NTM: variants seen among roughly 807,000 people sequenced by gnomAD.
NTM encodes neurotrimin.
NTM carries 13 observed loss-of-function variants against 42.1 expected under a neutral mutation model. The observed-to-expected ratio is 0.31, with a 90% CI of 0.20 to 0.49. The LOEUF is 0.49. Among genes scored for constraint, NTM ranks in the 20% least tolerant of loss-of-function variants. The pLI is 0.99. For synonymous variants in NTM, 187 were observed against 179.2 expected (o/e 1.04, Z -0.35); for missense variants, 373 against 452.8 (o/e 0.82, Z 1.60).
chr11:131,954,023 A>C (rs1051242032), intron 2 of NTM, among the ~76,000 whole-genome samples: 1 of 152,150 alleles, frequency 6.6e-6, no homozygotes, highest in Non-Finnish European at 1.5e-5. Context: ...TGTATTTAAT[A>C]GCTTCCAATT....
chr11:131,702,829 T>C (rs915138140), intron 1 of NTM, among the ~76,000 whole-genome samples: 10 of 152,226 alleles, frequency 6.6e-5, no homozygotes, highest in Non-Finnish European at 1.5e-4. Flanking sequence ...CCCGACTATT[T>C]TGAAACATTT....
At chr11:132,054,429 C>T (rs955243401) in intron 2 of NTM, among the ~76,000 whole-genome samples, 1 of 152,178 alleles carries the variant, frequency 6.6e-6, no homozygotes, top group African/African-American at 2.4e-5. Context: ...ACTGGATGGG[C>T]ACAGTGGATT....
At chr11:131,632,399 C>A (rs889004878) in intron 1 of NTM, among the ~76,000 whole-genome samples, 3 of 152,110 alleles carry the variant, frequency 2.0e-5, no homozygotes, top group Non-Finnish European at 4.4e-5. Flanking sequence ...AGTCTTACTT[C>A]TTCATCTCAG....
chr11:131,528,104 A>G lies in NTM; in HGVS notation c.82+157216A>G, dbSNP rs537385264. Among the ~76,000 whole-genome samples the G allele has an allele frequency of 1.4e-3, 219 of 152,336 alleles. 1 individual carries two copies. The highest frequency in any genetic ancestry group is 5.0e-3 in the African/African-American group (209 of 41,578). Reference sequence around the variant, plus strand: ...TAAAACCTGGAAGACTTCTGGTCCCAAGGATTGCAGATAAGGTGTAACTTT... The same window carrying G: ...TAAAACCTGGAAGACTTCTGGTCCCGAGGATTGCAGATAAGGTGTAACTTT... On this transcript the variant is annotated intron_variant, in intron 1 of 8. Coordinates refer to ENST00000683400, the MANE Select transcript of NTM (RefSeq NM_001352005.2).
chr11:131,795,586 G>A (rs1040921698), intron 1 of NTM: 2 of 985,300 alleles, frequency 2.0e-6, no homozygotes, highest in African/African-American at 3.5e-5. Flanking sequence ...GTCCCCGCGA[G>A]AACCCTGGTC....
chr11:132,207,906 C>T (rs1293707582), intron 3 of NTM, among the ~76,000 whole-genome samples: 1 of 152,168 alleles, frequency 6.6e-6, no homozygotes, highest in African/African-American at 2.4e-5. Flanking sequence ...TGTCACCATA[C>T]ATTAGAATAT....
chr11:131,719,213 A>G (rs1467196494), intron 1 of NTM, among the ~76,000 whole-genome samples: 1 of 152,128 alleles, frequency 6.6e-6, no homozygotes, highest in Non-Finnish European at 1.5e-5. Flanking sequence ...CAGTGCTTCC[A>G]GTGTTTTGTC....
Position 132,075,975 on chromosome 11 carries a change from A to C in NTM, c.168-70307A>C, listed in dbSNP as rs374705199. On this transcript the variant is annotated intron_variant, in intron 2 of 8. Coordinates refer to ENST00000683400, the MANE Select transcript of NTM (RefSeq NM_001352005.2). Reference sequence around the variant, plus strand: ...ATGTCGACAGCATTGGTGGGTATGTAATCAATAGCATACTTTCATCATTTA... The same window carrying C: ...ATGTCGACAGCATTGGTGGGTATGTCATCAATAGCATACTTTCATCATTTA... Among the ~76,000 whole-genome samples the C allele has an allele frequency of 1.0e-3, 153 of 152,322 alleles. 6 individuals carry two copies. The South Asian group carries it at 0.03, about 30-fold the overall frequency.
chr11:131,845,251 T>A (rs934509689), intron 1 of NTM, among the ~76,000 whole-genome samples: 7 of 152,302 alleles, frequency 4.6e-5, no homozygotes, highest in African/African-American at 1.7e-4. Flanking sequence ...ATTTAAGGAA[T>A]TCAGTGAATA....
rs558605189 is a variant in NTM, at chr11:131,748,295, G to C, written c.83-163269G>C. 4.5e-4 allele frequency among the ~76,000 whole-genome samples: 69 copies of C among 152,330 alleles called. 1 individual carries two copies. The South Asian group carries it at 0.013, about 30-fold the overall frequency. On this transcript the variant is annotated intron_variant, in intron 1 of 8. Transcript: ENST00000683400. ...ACACACACTTGCCACGCAGTCACCA[G>C]GACTGTGGACATTGTCTGAAAATAG...
chr11:131,493,756 A>G (rs1057145235), intron 1 of NTM, among the ~76,000 whole-genome samples: 2 of 152,214 alleles, frequency 1.3e-5, no homozygotes, highest in Non-Finnish European at 2.9e-5. Flanking sequence ...TGTAAGCCCC[A>G]GAAACTTTTT....
intron 1 of NTM, among the ~76,000 whole-genome samples, chr11:131,887,883 T>A (rs1167192395): frequency 6.6e-6 from 1 of 152,176 alleles, no homozygotes; most frequent in Admixed American, 6.5e-5. Context: ...ACTATTATTG[T>A]CATCTTCAGT....
intron 1 of NTM, among the ~76,000 whole-genome samples, chr11:131,775,577 A>G (rs2086832926): frequency 1.3e-5 from 2 of 152,188 alleles, no homozygotes; most frequent in Non-Finnish European, 1.5e-5. Context: ...GACACCATTT[A>G]TAGGTAGTCA....
chr11:132,270,723 A>C (rs569588548), intron 4 of NTM, among the ~76,000 whole-genome samples: 1 of 151,432 alleles, frequency 6.6e-6, no homozygotes, highest in Non-Finnish European at 1.5e-5. Flanking sequence ...GTATGTTAAG[A>C]TATAAAAAAC....
intron 1 of NTM, among the ~76,000 whole-genome samples, chr11:131,474,580 G>T (rs1007572930): frequency 6.6e-6 from 1 of 151,974 alleles, no homozygotes; most frequent in African/African-American, 2.4e-5. Context: ...CTCCTGCTCT[G>T]CTTTCTTCTG....
chr11:131,835,290 C>T (rs1017991621), intron 1 of NTM, among the ~76,000 whole-genome samples: 1 of 151,942 alleles, frequency 6.6e-6, no homozygotes, highest in African/African-American at 2.4e-5. Flanking sequence ...CAAGTGCCAT[C>T]GAGAATGTTG....
chr11:131,953,188 T>C lies in NTM; in HGVS notation c.167+41540T>C, dbSNP rs146333821. 3.1e-3 allele frequency among the ~76,000 whole-genome samples: 469 copies of C among 152,270 alleles called. 5 individuals carry two copies. Among genetic ancestry groups the C allele is most frequent in the African/African-American group, 0.011 (442 of 41,550 alleles). The stretch of plus-strand genomic sequence containing the variant: ...GGAAAGACCGGACCATCTGTTGCCA[T>C]GGCAACATTCATTGGTTTTACAATA... On this transcript the variant is annotated intron_variant, in intron 2 of 8. Coordinates refer to ENST00000683400, the MANE Select transcript of NTM (RefSeq NM_001352005.2).
At chr11:131,653,221 G>A (rs148647679) in intron 1 of NTM, among the ~76,000 whole-genome samples, 5 of 151,836 alleles carry the variant, frequency 3.3e-5, no homozygotes, top group Non-Finnish European at 7.4e-5. Flanking sequence ...TTTTTTTGAG[G>A]TTATCTTTTT....
intron 1 of NTM, among the ~76,000 whole-genome samples, chr11:131,591,933 T>C (rs990350911): frequency 6.6e-6 from 1 of 152,208 alleles, no homozygotes; most frequent in Admixed American, 6.5e-5. Flanking sequence ...GGGTAAGAAC[T>C]ACTCAGTTGT....
Sources: gnomAD v4.1 joint callset for allele counts (sites outside exome capture counted in the v4.1 genomes callset) on GRCh38, gnomAD v4.1.1 for gene constraint, MANE v1.5 for transcripts, NCBI Gene and HGNC (gene_info 2026-07-23, HGNC 2026-07-21) for gene names.